Variants in SLC24A3 observed in about 807,000 individuals in gnomAD.
SLC24A3 encodes solute carrier family 24 member 3.
Under a neutral mutation model 75.8 loss-of-function variants are expected in SLC24A3, and 28 were observed. The ratio of observed to expected loss-of-function variants is 0.37; its 90% confidence interval spans 0.27 to 0.51. SLC24A3 has a LOEUF of 0.51. Among genes scored for constraint, SLC24A3 ranks in the 20% least tolerant of loss-of-function variants. SLC24A3 has a pLI of 0.94. For synonymous variants in SLC24A3, 372 were observed against 334.1 expected (o/e 1.11, Z -1.24); for missense variants, 663 against 847.8 (o/e 0.78, Z 2.71).
At chr20:19,599,024 G>T (rs955129048) in intron 6 of SLC24A3, among the ~76,000 whole-genome samples, 1 of 152,006 alleles carries the variant, frequency 6.6e-6, no homozygotes, top group Non-Finnish European at 1.5e-5. Context: ...CAGTTGAGTC[G>T]ATGTGAAATT....
intron 2 of SLC24A3, among the ~76,000 whole-genome samples, chr20:19,306,904 C>T (rs1455393920): frequency 6.6e-6 from 1 of 152,004 alleles, no homozygotes; most frequent in Non-Finnish European, 1.5e-5. Context: ...ACAAAAACCT[C>T]TCACGTGACA....
At chr20:19,586,612 G>T (rs537298996) in intron 6 of SLC24A3, among the ~76,000 whole-genome samples, 16 of 152,298 alleles carry the variant, frequency 1.1e-4, no homozygotes, top group African/African-American at 3.8e-4. Context: ...AGACTCGAGG[G>T]TCTCCATGCA....
At chr20:19,590,581 G>T (rs544720244) in intron 6 of SLC24A3, among the ~76,000 whole-genome samples, 1 of 152,312 alleles carries the variant, frequency 6.6e-6, no homozygotes, top group East Asian at 1.9e-4. Flanking sequence ...CAAGAGGGCA[G>T]GTGTGGCAGA....
At chr20:19,372,545 T>A (rs1472899891) in intron 2 of SLC24A3, among the ~76,000 whole-genome samples, 1 of 152,230 alleles carries the variant, frequency 6.6e-6, no homozygotes, top group African/African-American at 2.4e-5. Flanking sequence ...GCAGGCTCAG[T>A]GTGTCGTTCA....
At chr20:19,690,399 C>T (rs1041684243) in intron 12 of SLC24A3, among the ~76,000 whole-genome samples, 3 of 152,176 alleles carry the variant, frequency 2.0e-5, no homozygotes, top group African/African-American at 4.8e-5. Context: ...CAAGCTCTTG[C>T]ACTCGTAAAT....
At chr20:19,628,195 T>A (rs1226420582) in intron 6 of SLC24A3, among the ~76,000 whole-genome samples, 5 of 98,906 alleles carry the variant, frequency 5.1e-5, no homozygotes, top group African/African-American at 9.0e-5. Context: ...ACAGCGAGAC[T>A]CCATCTCAAA....
intron 15 of SLC24A3, among the ~76,000 whole-genome samples, 168 bp from the exon 16 acceptor site, chr20:19,717,360 C>T (rs1057196075): frequency 2.0e-5 from 3 of 152,170 alleles, no homozygotes; most frequent in Non-Finnish European, 4.4e-5. Context: ...GCACACGTCT[C>T]AAGTATAAGC....
intron 2 of SLC24A3, among the ~76,000 whole-genome samples, chr20:19,413,972 G>GA: frequency 6.6e-6 from 1 of 152,112 alleles, no homozygotes; most frequent in Non-Finnish European, 1.5e-5. Context: ...AAATCAATAA[G>GA]AAAAACATTA....
intron 2 of SLC24A3, among the ~76,000 whole-genome samples, chr20:19,319,830 G>A (rs1984667280): frequency 6.6e-6 from 1 of 152,178 alleles, no homozygotes; most frequent in African/African-American, 2.4e-5. Flanking sequence ...TGGTACACCT[G>A]TACATGTGTA....
At chr20:19,280,617 C>T (rs573592463) in intron 1 of SLC24A3, among the ~76,000 whole-genome samples, 7 of 152,166 alleles carry the variant, frequency 4.6e-5, no homozygotes, top group Non-Finnish European at 1.0e-4. Flanking sequence ...TCTCCCCCTT[C>T]GAGATTTGGT....
At chr20:19,695,527 A>T (rs1451642664) in intron 13 of SLC24A3, 1 of 152,132 alleles carries the variant, frequency 6.6e-6, no homozygotes, top group Admixed American at 6.5e-5. Flanking sequence ...CTATATTTGC[A>T]TAAATTTAAG....
intron 2 of SLC24A3, among the ~76,000 whole-genome samples, chr20:19,290,461 G>A (rs750064657): frequency 2.6e-5 from 4 of 152,170 alleles, no homozygotes; most frequent in Non-Finnish European, 5.9e-5. Flanking sequence ...ATAGGATTTA[G>A]TGTTCTTATA....
chr20:19,543,859 A>G (rs1039811861), intron 3 of SLC24A3, among the ~76,000 whole-genome samples: 1 of 152,228 alleles, frequency 6.6e-6, no homozygotes, highest in Non-Finnish European at 1.5e-5. Context: ...GCTGTAAAGA[A>G]TGAGGTTTAT....
At chr20:19,649,384 T>C (rs1016476506) in intron 6 of SLC24A3, among the ~76,000 whole-genome samples, 1 of 152,212 alleles carries the variant, frequency 6.6e-6, no homozygotes, top group Non-Finnish European at 1.5e-5. Flanking sequence ...TTTTTGTAAA[T>C]TGAACTGGCC....
intron 2 of SLC24A3, among the ~76,000 whole-genome samples, chr20:19,461,817 G>A (rs1390099827): frequency 6.6e-6 from 1 of 152,122 alleles, no homozygotes; most frequent in Non-Finnish European, 1.5e-5. Flanking sequence ...ACAGGAGTGA[G>A]CCATCGTGCC....
In SLC24A3 at chr20:19,644,993, C is replaced by T. The variant is rs146694815; in HGVS notation, c.613-9069C>T. On this transcript the variant is annotated intron_variant, in intron 6 of 16. Coordinates refer to ENST00000328041, the MANE Select transcript of SLC24A3 (RefSeq NM_020689.4). ...GCCACATGAGCTGTATCTGTGATGT[C>T]GTCTCCGATAGAAATGTGAGCAATT... Among the ~76,000 whole-genome samples the T allele has an allele frequency of 1.9e-3, 287 of 152,318 alleles. 1 individual carries two copies. The highest frequency in any genetic ancestry group is 6.4e-3 in the African/African-American group (268 of 41,568).
chr20:19,246,513 G>A (rs1410213057), intron 1 of SLC24A3, among the ~76,000 whole-genome samples: 1 of 152,046 alleles, frequency 6.6e-6, no homozygotes, highest in Admixed American at 6.5e-5. Context: ...GACTCTTACC[G>A]ACATATTAGG....
chr20:19,359,445 C>T (rs1167125060), intron 2 of SLC24A3, among the ~76,000 whole-genome samples: 1 of 152,174 alleles, frequency 6.6e-6, no homozygotes, highest in African/African-American at 2.4e-5. Context: ...GCTGCCAACC[C>T]GTCACCCATG....
intron 2 of SLC24A3, among the ~76,000 whole-genome samples, chr20:19,356,233 T>A (rs1446717737): frequency 6.6e-6 from 1 of 152,240 alleles, no homozygotes; most frequent in African/African-American, 2.4e-5. Context: ...AGACATAAAC[T>A]GTTTGCAAAT....
Sources: allele counts gnomAD v4.1 joint callset (sites outside exome capture counted in the v4.1 genomes callset), GRCh38; gene constraint gnomAD v4.1.1; transcripts MANE v1.5; gene names NCBI Gene and HGNC (gene_info 2026-07-23, HGNC 2026-07-21).